Variants in NTNG2 observed in about 807,000 individuals in gnomAD.
NTNG2 encodes the protein netrin-G2.
Under a neutral mutation model 47.6 loss-of-function variants are expected in NTNG2, and 15 were observed. That is an observed-to-expected ratio of 0.32 (90% CI 0.21 to 0.49). NTNG2 has a LOEUF of 0.49. NTNG2 is among the 20% of genes least tolerant of loss of function. The pLI is 0.99. For missense variants in NTNG2, 578 were observed against 764.6 expected (o/e 0.76, Z 2.88); for synonymous variants, 307 against 324.6 (o/e 0.95, Z 0.58).
intron 3 of NTNG2, among the ~76,000 whole-genome samples, chr9:132,225,614 A>G (rs1840698018): frequency 6.6e-6 from 1 of 152,206 alleles, no homozygotes; most frequent in African/African-American, 2.4e-5. Context: ...ACATAACCAC[A>G]ATATCATCAT....
chr9:132,197,623 G>C lies in NTNG2; in HGVS notation c.214-343G>C, dbSNP rs192951899. Among the ~76,000 whole-genome samples, 9 of 152,228 alleles carry C rather than the reference G, an allele frequency of 5.9e-5. No homozygotes were observed. Among genetic ancestry groups the C allele is most frequent in the Admixed American group, 5.2e-4 (8 of 15,302 alleles). On this transcript the variant is annotated intron_variant, in intron 2 of 7. Coordinates refer to ENST00000393229, the MANE Select transcript of NTNG2 (RefSeq NM_032536.4). The surrounding 1 kb of genome is among the most constrained non-coding windows in gnomAD (Gnocchi z 4.3). ...CACTGTCACCAGGTGTGGGAGGGCA[G>C]GTTGGGGTTGGTATATTACAGAGTC...
intron 2 of NTNG2, among the ~76,000 whole-genome samples, chr9:132,191,564 T>C (rs900602934): frequency 1.3e-5 from 2 of 151,974 alleles, no homozygotes; most frequent in African/African-American, 4.8e-5. Flanking sequence ...TAACTCATCT[T>C]TCTTTTTTTT....
At position 132,242,051 on chromosome 9, in the gene NTNG2, C is replaced by A. The variant is rs1842025734; in HGVS notation, c.1533C>A (p.Arg511=). 1.6e-6 allele frequency: 2 copies of A among 1,255,236 alleles called. No homozygotes were observed. Among genetic ancestry groups the A allele is most frequent in the African/African-American group, 3.2e-5 (2 of 63,362 alleles). 77.8% of individuals were successfully genotyped at this position (1,255,236 alleles called of 1,614,324 possible). The change falls in exon 8 of 8, where the codon CGC becomes CGA. Residue 511 remains arginine (R), a synonymous_variant. Transcript: ENST00000393229. The surrounding 1 kb of genome is among the most constrained non-coding windows in gnomAD (Gnocchi z 5.9). ...ACCGCGCGCCCGGGGCCGCCCCGCG[C>A]CCCGCCACCCTGCTCGGCTGCCTGC... ...DCDRAPGAAP[R]PATLLGCLLL...
rs940869963 is a variant in NTNG2 at position 132,240,771 on chromosome 9, C to G, written c.1223-139C>G. On this transcript the variant is annotated intron_variant, in intron 6 of 7. Transcript: ENST00000393229. ...GAAGTCCCCACCTGCCGTCCAGCCG[C>G]GGGCTCACGTGGACCCAGTGTGGGG... The G allele has an allele frequency of 5.9e-5, 78 of 1,313,014 alleles. No homozygotes were observed. In the East Asian group the frequency reaches 1.9e-3, roughly 32 times the overall value. 81.3% of individuals were successfully genotyped at this position (1,313,014 alleles called of 1,614,324 possible).
chr9:132,201,755 A>T (rs1349284283), intron 3 of NTNG2, among the ~76,000 whole-genome samples: 1 of 152,198 alleles, frequency 6.6e-6, no homozygotes, highest in Non-Finnish European at 1.5e-5. Context: ...TAACGGCTTC[A>T]TGTGTATTTT....
intron 4 of NTNG2, 127 bp from the exon 5 acceptor site, chr9:132,230,445 G>A (rs776559564): frequency 9.3e-5 from 72 of 776,526 alleles, no homozygotes; most frequent in Non-Finnish European, 3.3e-5. Flanking sequence ...GTTGTGTGGT[G>A]GAGCAGGTGC....
chr9:132,185,385 C>A (rs1837282962), intron 2 of NTNG2, among the ~76,000 whole-genome samples: 1 of 152,148 alleles, frequency 6.6e-6, no homozygotes. Flanking sequence ...AGCGCCCCAG[C>A]CAGGGGGGCC....
intron 3 of NTNG2, among the ~76,000 whole-genome samples, chr9:132,222,475 A>T (rs1471802808): frequency 6.6e-6 from 1 of 152,178 alleles, no homozygotes; most frequent in Non-Finnish European, 1.5e-5. Context: ...TGTTCCAGTA[A>T]AACCTCGGCA....
intron 3 of NTNG2, among the ~76,000 whole-genome samples, chr9:132,222,698 C>T (rs1193097160): frequency 2.6e-5 from 4 of 152,158 alleles, no homozygotes; most frequent in African/African-American, 9.7e-5. Flanking sequence ...CTCCCACGGC[C>T]CACCCAGGAC....
intron 3 of NTNG2, among the ~76,000 whole-genome samples, chr9:132,225,869 C>T (rs542580072): frequency 4.6e-5 from 7 of 152,258 alleles, no homozygotes; most frequent in African/African-American, 1.4e-4. Flanking sequence ...TCATTACTGC[C>T]GGAGTTTCCT....
chr9:132,239,395 TC>T, intron 6 of NTNG2, 124 bp downstream of exon 6: 1 of 855,254 alleles, frequency 1.2e-6, no homozygotes, highest in Non-Finnish European at 1.9e-6. Flanking sequence ...GAATTCTAAC[TC>T]CAGGGCCCTC....
Position 132,198,418 on chromosome 9 carries a change from T to C in NTNG2, c.666T>C (p.Phe222=). Residue 222 remains phenylalanine, a synonymous_variant, in exon 3 of 8, where the codon TTT becomes TTC. Coordinates refer to ENST00000393229, the MANE Select transcript of NTNG2 (RefSeq NM_032536.4). ...RFEVRDRFAI[F]AGPDLRNMDN... is the part of the protein sequence containing the mutation. Reference sequence around the variant, plus strand: ...AGGTGCGGGACCGCTTCGCCATCTTTGCCGGCCCCGACCTGCGCAACATGG... The same window carrying C: ...AGGTGCGGGACCGCTTCGCCATCTTCGCCGGCCCCGACCTGCGCAACATGG... 3.7e-6 allele frequency: 6 copies of C among 1,613,052 alleles called. No individual in the cohort carries two copies. Among genetic ancestry groups the C allele is most frequent in the Non-Finnish European group, 5.1e-6 (6 of 1,179,962 alleles).
At chr9:132,198,726 G>GACCGGGT in intron 3 of NTNG2, 117 bp downstream of exon 3, 2 of 1,103,304 alleles carry the variant, frequency 1.8e-6, no homozygotes, top group Non-Finnish European at 2.6e-6. Flanking sequence ...GGGTTCTTGG[G>GACCGGGT]ATGTTACCTG....
Position 132,242,113 on chromosome 9 carries a change from C to A in NTNG2, c.*2C>A, listed in dbSNP as rs555406393. On this transcript the variant is annotated 3_prime_UTR_variant, in exon 8 of 8. Coordinates refer to ENST00000393229, the MANE Select transcript of NTNG2 (RefSeq NM_032536.4). This position sits in a 1 kb window ranked among gnomAD's most constrained non-coding sequence, Gnocchi z 5.9. Reference sequence around the variant, plus strand: ...CTGGCCGCCCGCCTGGGCCGCTGAGCCCCGCCCGGAGGACGCTCCCCGCAC... The same window carrying A: ...CTGGCCGCCCGCCTGGGCCGCTGAGACCCGCCCGGAGGACGCTCCCCGCAC... 2.6e-4 allele frequency: 295 copies of A among 1,129,560 alleles called. 1 individual carries two copies. The African/African-American group carries it at 4.5e-3, about 17-fold the overall frequency. The allele number at this position is 1,129,560 out of a possible 1,614,324, so 70.0% of individuals were successfully genotyped here. A position where few individuals can be genotyped will look rare whatever the true frequency, so the allele number is the denominator to read the frequency against.
chr9:132,170,606 G>A (rs547205769), intron 2 of NTNG2, among the ~76,000 whole-genome samples: 20 of 152,300 alleles, frequency 1.3e-4, no homozygotes, highest in South Asian at 1.0e-3. Context: ...CACGTCTCCC[G>A]CCAGCCACCT....
In NTNG2 at chr9:132,200,150, TA is replaced by T. The variant is rs1336062821; in HGVS notation, c.857+1549del. The stretch of plus-strand genomic sequence containing the variant: ...ACAGTGCCTGGCACATAATACGCAC[TA>T]AAAAAAAGTGTTTAATAAAAAAATT... On this transcript the variant is annotated intron_variant, in intron 3 of 7. Coordinates refer to ENST00000393229, the MANE Select transcript of NTNG2 (RefSeq NM_032536.4). 7.2e-5 allele frequency among the ~76,000 whole-genome samples: 11 copies of T among 151,996 alleles called. No individual in the cohort carries two copies. In the East Asian group the frequency reaches 1.7e-3, roughly 24 times the overall value.
chr9:132,227,152 A>AACGTGCACACAGAAACATACGAGCAT, intron 4 of NTNG2, 131 bp downstream of exon 4: 1 of 995,774 alleles, frequency 1.0e-6, no homozygotes. Flanking sequence ...CATGCATGCA[A>AACGTGCACACAGAAACATACGAGCAT]ACGTGCACAC....
rs185241637 is a variant in NTNG2 at position 132,230,115 on chromosome 9, C to T, written c.1031-457C>T. 6.6e-5 allele frequency among the ~76,000 whole-genome samples: 10 copies of T among 152,364 alleles called. No homozygotes were observed. The East Asian group carries it at 1.4e-3, about 21-fold the overall frequency. On this transcript the variant is annotated intron_variant, in intron 4 of 7. Coordinates refer to ENST00000393229, the MANE Select transcript of NTNG2 (RefSeq NM_032536.4). ...TGGCACGTGGGACGCACTCCACCCGCGGCAGCCGCTCCCATGGCTTCTCAG... is the reference window on the plus strand; with the variant it reads ...TGGCACGTGGGACGCACTCCACCCGTGGCAGCCGCTCCCATGGCTTCTCAG...
In NTNG2 at chr9:132,193,031, C is replaced by T. The variant is rs1050175077; in HGVS notation, c.214-4935C>T. Among the ~76,000 whole-genome samples, 76 of 152,136 alleles carry T rather than the reference C, an allele frequency of 5.0e-4. 1 individual carries two copies. Among genetic ancestry groups the T allele is most frequent in the African/African-American group, 1.7e-3 (69 of 41,434 alleles). ...TCAGTCTTCCCAGTGACAGACAGGCCGGGTGCAACTGGGGGCTTTGAGGGA... is the reference window on the plus strand; with the variant it reads ...TCAGTCTTCCCAGTGACAGACAGGCTGGGTGCAACTGGGGGCTTTGAGGGA... On this transcript the variant is annotated intron_variant, in intron 2 of 7. Transcript: ENST00000393229.
Sources: gnomAD v4.1 joint callset for allele counts (sites outside exome capture counted in the v4.1 genomes callset) on GRCh38, gnomAD v4.1.1 for gene constraint, Gnocchi (gnomAD v3.1) non-coding constraint, MANE v1.5 for transcripts, NCBI Gene and HGNC (gene_info 2026-07-23, HGNC 2026-07-21) for gene names.